Variants in ARHGEF10 observed in about 807,000 individuals in gnomAD.
ARHGEF10 encodes the protein Rho guanine nucleotide exchange factor (GEF) 10.
ARHGEF10 carries 140 observed loss-of-function variants against 147.4 expected under a neutral mutation model. That is an observed-to-expected ratio of 0.95 (90% CI 0.83 to 1.09). The LOEUF is 1.09. Ranked by LOEUF, ARHGEF10 falls within the 50% of genes least tolerant of loss-of-function variation. The pLI is 0.00. For synonymous variants in ARHGEF10, 902 were observed against 695.8 expected (o/e 1.30, Z -4.67); for missense variants, 2,222 against 1,752.7 (o/e 1.27, Z -4.78).
intron 28 of ARHGEF10, 83 bp downstream of exon 28, chr8:1,952,910 C>A: frequency 1.3e-6 from 2 of 1,575,484 alleles, no homozygotes; most frequent in Non-Finnish European, 1.7e-6. Context: ...GATTTAACAT[C>A]CTAGGATTCT....
At chr8:1,838,478 C>T (rs1053732647) in intron 1 of ARHGEF10, among the ~76,000 whole-genome samples, 3 of 152,270 alleles carry the variant, frequency 2.0e-5, no homozygotes, top group Non-Finnish European at 4.4e-5. Flanking sequence ...TTTCTCTGCA[C>T]TCAGGGCAGC....
At chr8:1,832,953 G>T in intron 1 of ARHGEF10, among the ~76,000 whole-genome samples, 1 of 90,726 alleles carries the variant, frequency 1.1e-5, no homozygotes, top group Non-Finnish European at 2.3e-5. Context: ...CAGAGACAGA[G>T]GCAGAGGCAG....
intron 18 of ARHGEF10, among the ~76,000 whole-genome samples, chr8:1,911,634 C>T (rs12544995): frequency 3.9e-5 from 6 of 152,064 alleles, no homozygotes; most frequent in Admixed American, 1.3e-4. Context: ...TATCCCGACA[C>T]GTCTGGATTC....
chr8:1,844,465 T>TCACCGGGGCCTGGTGGATGACA (rs1329433075), intron 2 of ARHGEF10, among the ~76,000 whole-genome samples: 16 of 151,330 alleles, frequency 1.1e-4, no homozygotes, highest in South Asian at 4.2e-4. Context: ...AATCCAGGGG[T>TCACCGGGGCCTGGTGGATGACA]GAGCAGTGGC....
chr8:1,944,828 A>G (rs1814431590), intron 26 of ARHGEF10, among the ~76,000 whole-genome samples: 2 of 152,332 alleles, frequency 1.3e-5, no homozygotes, highest in South Asian at 4.1e-4. Flanking sequence ...AGAGAGCCTG[A>G]ACTCCAGGCA....
intron 7 of ARHGEF10, among the ~76,000 whole-genome samples, chr8:1,873,777 T>G (rs1807393507): frequency 1.3e-5 from 2 of 151,600 alleles, no homozygotes; most frequent in Non-Finnish European, 2.9e-5. Flanking sequence ...TCTTCACTCG[T>G]TTAGAGTTCG....
chr8:1,839,276 G>T (rs377570071), intron 1 of ARHGEF10, among the ~76,000 whole-genome samples: 1 of 150,088 alleles, frequency 6.7e-6, no homozygotes, highest in Admixed American at 6.6e-5. Context: ...GTCTGGTGTG[G>T]AAGCTGTCTG....
At chr8:1,956,682 T>A in intron 28 of ARHGEF10, 67 bp from the exon 29 acceptor site, 1 of 1,600,620 alleles carries the variant, frequency 6.2e-7, no homozygotes, top group Non-Finnish European at 8.6e-7. Flanking sequence ...AGCCCTGCAC[T>A]TTTTGCTTCC....
chr8:1,837,926 C>G (rs978157934), intron 1 of ARHGEF10, among the ~76,000 whole-genome samples: 2 of 152,224 alleles, frequency 1.3e-5, no homozygotes, highest in East Asian at 3.9e-4. Flanking sequence ...CTGCTCCTCA[C>G]TCTCACAGGT....
upstream of ARHGEF10, among the ~76,000 whole-genome samples, chr8:1,823,622 G>C (rs1456658120): frequency 1.3e-5 from 2 of 151,890 alleles, no homozygotes; most frequent in East Asian, 3.9e-4. Flanking sequence ...GATGTTGGGG[G>C]CGGGGAGGGC....
chr8:1,910,198 T>A (rs779729342), intron 18 of ARHGEF10, among the ~76,000 whole-genome samples: 4 of 152,202 alleles, frequency 2.6e-5, no homozygotes, highest in Non-Finnish European at 5.9e-5. Context: ...GAACTTTCAG[T>A]TAACCTTTCA....
chr8:1,843,299 G>A (rs1188138630), intron 1 of ARHGEF10, 54 bp from the exon 2 acceptor site: 1 of 1,406,836 alleles, frequency 7.1e-7, no homozygotes, highest in East Asian at 2.4e-5. Context: ...TACACCTATT[G>A]AGTGCATGTT....
chr8:1,892,543 GCTC>G (rs1809626423), intron 11 of ARHGEF10, among the ~76,000 whole-genome samples: 1 of 151,908 alleles, frequency 6.6e-6, no homozygotes, highest in Non-Finnish European at 1.5e-5. Context: ...TGTGAAAAAT[GCTC>G]TTTGCCCGCT....
chr8:1,858,284 A>T (rs1278852393), intron 3 of ARHGEF10, among the ~76,000 whole-genome samples, 169 bp downstream of exon 3: 1 of 148,870 alleles, frequency 6.7e-6, no homozygotes, highest in African/African-American at 2.5e-5. Flanking sequence ...GAGTCCGCAG[A>T]TCACCGGCAT....
intron 18 of ARHGEF10, among the ~76,000 whole-genome samples, chr8:1,913,786 G>C (rs1811554168): frequency 6.6e-6 from 1 of 152,242 alleles, no homozygotes; most frequent in South Asian, 2.1e-4. Context: ...TGAGTGCCAG[G>C]AGTGCTTCTG....
chr8:1,932,054 A>G (rs998864970), intron 25 of ARHGEF10, among the ~76,000 whole-genome samples: 30 of 152,200 alleles, frequency 2.0e-4, no homozygotes, highest in African/African-American at 6.3e-4. Context: ...GGATCCAAGC[A>G]CAGTGGGCGG....
intron 13 of ARHGEF10, among the ~76,000 whole-genome samples, chr8:1,895,505 AT>A (rs1333268657): frequency 2.0e-5 from 3 of 152,222 alleles, no homozygotes; most frequent in Admixed American, 6.5e-5. Flanking sequence ...AGATATTTGC[AT>A]AATACCGTTT....
rs1423188245 is a variant in ARHGEF10 at position 1,957,063 on chromosome 8, A to G, written c.3835A>G (p.Ser1279Gly). ...SSSLEHRSED[S>G]TIYDLLKDPV... ...CTCTCTAGAGCACAGATCAGAGGAC[A>G]GCACCATCTATGATCTCCTGAAGGA... The change falls in exon 29 of 29, where the codon AGC (serine) becomes GGC (glycine). Residue 1279 changes from serine to glycine, a missense_variant. By Grantham distance (56) the Ser-to-Gly change is moderately conservative. Transcript: ENST00000349830. The G allele has an allele frequency of 6.2e-7, 1 of 1,613,714 alleles. No individual in the cohort carries two copies. The highest frequency in any genetic ancestry group is 8.5e-7 in the Non-Finnish European group (1 of 1,180,032).
chr8:1,871,666 A>C (rs1398450859), intron 7 of ARHGEF10, among the ~76,000 whole-genome samples: 1 of 152,130 alleles, frequency 6.6e-6, no homozygotes, highest in African/African-American at 2.4e-5. Flanking sequence ...AAAAGTACAA[A>C]AATTAGCCGG....
Sources: allele counts gnomAD v4.1 joint callset (sites outside exome capture counted in the v4.1 genomes callset), GRCh38; gene constraint gnomAD v4.1.1; transcripts MANE v1.5; gene names NCBI Gene and HGNC (gene_info 2026-07-23, HGNC 2026-07-21).